SDC1: variants seen among roughly 807,000 people sequenced by gnomAD.
SDC1 encodes the protein syndecan-1.
Under a neutral mutation model 29.7 loss-of-function variants are expected in SDC1, and 14 were observed. The observed-to-expected ratio is 0.47, with a 90% CI of 0.31 to 0.74. The LOEUF (loss-of-function observed/expected upper bound fraction) is 0.74. Ranked by LOEUF, SDC1 falls within the 30% of genes least tolerant of loss-of-function variation. The pLI is 0.05. For synonymous variants in SDC1, 204 were observed against 175.5 expected (o/e 1.16, Z -1.29); for missense variants, 406 against 400.3 (o/e 1.01, Z -0.12).
intron 1 of SDC1, among the ~76,000 whole-genome samples, chr2:20,221,173 A>AT (rs1558438979): frequency 1.3e-5 from 2 of 152,188 alleles, no homozygotes; most frequent in Admixed American, 6.5e-5. Context: ...CAAAATCCAC[A>AT]TATCACAGAT....
Position 20,202,767 on chromosome 2 carries a change from C to T in SDC1, c.932G>A (p.Ter311=). 6.2e-7 allele frequency: 1 copy of T among 1,600,108 alleles called. No individual in the cohort carries two copies. Among genetic ancestry groups the T allele is most frequent in the South Asian group, 1.1e-5 (1 of 88,902 alleles). ...KPTKQEEFYA[*] is the part of the protein sequence containing the mutation. ...CGGAGGGGGCGCATGGCTCCCGCGTCAGGCATAGAATTCCTCCTGTTTGGT... is the reference window on the plus strand; with the variant it reads ...CGGAGGGGGCGCATGGCTCCCGCGTTAGGCATAGAATTCCTCCTGTTTGGT... The change falls in exon 5 of 5, where the codon TGA becomes TAA. Residue 311 remains the stop codon, a stop_retained_variant. Transcript: ENST00000254351.
rs1677114494 is a variant in SDC1, at chr2:20,203,437, A to C, written c.628-215T>G. 4.6e-5 allele frequency among the ~76,000 whole-genome samples: 7 copies of C among 152,254 alleles called. 1 individual carries two copies. Among genetic ancestry groups the C allele is most frequent in the Admixed American group, 2.6e-4 (4 of 15,294 alleles). On this transcript the variant is annotated intron_variant, in intron 3 of 4. Coordinates refer to ENST00000254351, the MANE Select transcript of SDC1 (RefSeq NM_002997.5). The stretch of plus-strand genomic sequence containing the variant: ...TGGACCATGGCATGGATATCACAAA[A>C]AGTGATACAAAGCACACATTTTTGT...
chr2:20,202,480 T>C lies in SDC1; in HGVS notation c.*286A>G. 1.7e-6 allele frequency: 1 copy of C among 592,588 alleles called. No individual in the cohort carries two copies. Among genetic ancestry groups the C allele is most frequent in the South Asian group, 2.1e-5 (1 of 48,632 alleles). The allele number at this position is 592,588 out of a possible 1,614,324, so 36.7% of individuals were successfully genotyped here. A position where few individuals can be genotyped will look rare whatever the true frequency, so the allele number is the denominator to read the frequency against. ...GAGCTGGACCTGGGGAGAGGCTGCTTCAGTTTGGAGAAACCGAGTCAGAAT... is the reference window on the plus strand; with the variant it reads ...GAGCTGGACCTGGGGAGAGGCTGCTCCAGTTTGGAGAAACCGAGTCAGAAT... On this transcript the variant is annotated 3_prime_UTR_variant, in exon 5 of 5. Coordinates refer to ENST00000254351, the MANE Select transcript of SDC1 (RefSeq NM_002997.5).
In SDC1 at chr2:20,205,361, A is replaced by C. The variant is rs1169145591; in HGVS notation, c.130T>G (p.Phe44Val). 1 of 1,613,858 alleles carries C rather than the reference A, an allele frequency of 6.2e-7. No individual in the cohort carries two copies. Among genetic ancestry groups the C allele is most frequent in the Non-Finnish European group, 8.5e-7 (1 of 1,179,944 alleles). ...QDGSGDDSDN[F>V]SGSGAGALQD... ...ACCTCACCTGCACCTGAGCCGGAGA[A>C]GTTGTCAGAGTCATCCCCAGAGCCA... Residue 44 changes from phenylalanine to valine, a missense_variant, in exon 2 of 5, where the codon TTC becomes GTC. Coordinates refer to ENST00000254351, the MANE Select transcript of SDC1 (RefSeq NM_002997.5).
At chr2:20,212,400 C>A (rs1318252789) in intron 1 of SDC1, among the ~76,000 whole-genome samples, 2 of 152,008 alleles carry the variant, frequency 1.3e-5, no homozygotes, top group African/African-American at 4.8e-5. Flanking sequence ...AGACACTGGG[C>A]TCCCCCAGCC....
intron 1 of SDC1, among the ~76,000 whole-genome samples, chr2:20,213,746 G>A (rs1414272513): frequency 6.6e-6 from 1 of 152,222 alleles, no homozygotes; most frequent in Non-Finnish European, 1.5e-5. Context: ...ACCGGACCTG[G>A]GGACCGGGGC....
intron 1 of SDC1, 145 bp from the exon 2 acceptor site, chr2:20,205,569 A>G: frequency 1.5e-6 from 1 of 651,580 alleles, no homozygotes; most frequent in Non-Finnish European, 2.7e-6. Flanking sequence ...TGGCTCCAGG[A>G]CCCTCAGCTC....
rs189813614 is a variant in SDC1, at chr2:20,215,048, C to A, written c.67-9624G>T. 3.3e-5 allele frequency among the ~76,000 whole-genome samples: 5 copies of A among 152,344 alleles called. No individual in the cohort carries two copies. In the East Asian group the frequency reaches 9.6e-4, roughly 29 times the overall value. Reference sequence around the variant, plus strand: ...CAGCAGTCTTGCTCTGGCAGTCATGCCATGAACCACCCATCACAGTGAAGC... The same window carrying A: ...CAGCAGTCTTGCTCTGGCAGTCATGACATGAACCACCCATCACAGTGAAGC... On this transcript the variant is annotated intron_variant, in intron 1 of 4. Transcript: ENST00000254351.
chr2:20,212,937 A>G (rs577611296), intron 1 of SDC1, among the ~76,000 whole-genome samples: 14 of 152,290 alleles, frequency 9.2e-5, no homozygotes, highest in African/African-American at 2.9e-4. Flanking sequence ...CTTTCGGGTA[A>G]TATTTTCCAT....
intron 1 of SDC1, among the ~76,000 whole-genome samples, chr2:20,210,573 G>A (rs1208677792): frequency 6.6e-6 from 1 of 152,238 alleles, no homozygotes; most frequent in East Asian, 1.9e-4. Flanking sequence ...TCGTGGTGGA[G>A]CAGGAAAGGG....
rs1367845741 is a variant in SDC1 at position 20,203,978 on chromosome 2, G to T, written c.462C>A (p.His154Gln). Residue 154 changes from histidine (H) to glutamine (Q), a missense_variant, in exon 3 of 5, where the codon CAC (histidine) becomes CAA (glutamine). By Grantham distance (24) the His-to-Gln change is conservative. Coordinates refer to ENST00000254351, the MANE Select transcript of SDC1 (RefSeq NM_002997.5). ...TAQEPATSHP[H>Q]RDMQPGHHET... ...CATGGTGGCCAGGCTGCATGTCCCT[G>T]TGGGGGTGGGAGGTGGCGGGCTCCT... 1 of 1,614,014 alleles carries T rather than the reference G, an allele frequency of 6.2e-7. No individual in the cohort carries two copies. Among genetic ancestry groups the T allele is most frequent in the South Asian group, 1.1e-5 (1 of 91,068 alleles).
chr2:20,223,590 G>A (rs966373573), intron 1 of SDC1, among the ~76,000 whole-genome samples: 7 of 152,280 alleles, frequency 4.6e-5, no homozygotes, highest in African/African-American at 1.7e-4. Context: ...CGGGACGCCA[G>A]CACCGGGCGC....
chr2:20,200,838 T>C lies in SDC1; in HGVS notation c.*1928A>G, dbSNP rs1676977727. ...GTACCGTTTATTGTCGTTACACAAA[T>C]GAACCCAGCCTCTGGCTTGGGCACC... On this transcript the variant is annotated 3_prime_UTR_variant, in exon 5 of 5. Transcript: ENST00000254351. The C allele has an allele frequency of 6.6e-6, 1 of 152,240 alleles. No homozygotes were observed. The highest frequency in any genetic ancestry group is 1.5e-5 in the Non-Finnish European group (1 of 68,068). The allele number at this position is 152,240 out of a possible 1,614,324, so 9.4% of individuals were successfully genotyped here.
chr2:20,213,292 G>A (rs778843030), intron 1 of SDC1, among the ~76,000 whole-genome samples: 9 of 152,192 alleles, frequency 5.9e-5, no homozygotes, highest in Admixed American at 1.3e-4. Flanking sequence ...GGCAAAACCC[G>A]GGCCAGGCCA....
chr2:20,206,868 C>T (rs1202880082), intron 1 of SDC1, among the ~76,000 whole-genome samples: 1 of 152,232 alleles, frequency 6.6e-6, no homozygotes, highest in East Asian at 1.9e-4. Context: ...AAACAGTGGC[C>T]ACTGTCTAAC....
Position 20,205,403 on chromosome 2 carries a change from G to A in SDC1, c.88C>T (p.Pro30Ser), listed in dbSNP as rs751312418. 6.2e-7 allele frequency: 1 copy of A among 1,613,900 alleles called. No homozygotes were observed. Among genetic ancestry groups the A allele is most frequent in the Admixed American group, 1.7e-5 (1 of 60,014 alleles). The change falls in exon 2 of 5, where the codon CCC becomes TCC. Residue 30 changes from proline to serine, a missense_variant. By Grantham distance (74) the Pro-to-Ser change is moderately conservative. Transcript: ENST00000254351. ...CCAGAGCCATCTTGATCTTCAGGGG[G>A]CAAATTAGTAGCCACAATTTGCTGG... ...ALPQIVATNL[P>S]PEDQDGSGDD...
intron 1 of SDC1, among the ~76,000 whole-genome samples, chr2:20,223,708 G>A (rs1290573491): frequency 7.2e-5 from 11 of 152,358 alleles, no homozygotes; most frequent in Non-Finnish European, 1.6e-4. Context: ...GCGTTACGGG[G>A]CTGTTCCCAG....
chr2:20,208,856 A>G (rs1305017501), intron 1 of SDC1, among the ~76,000 whole-genome samples: 2 of 152,226 alleles, frequency 1.3e-5, no homozygotes, highest in Non-Finnish European at 2.9e-5. Flanking sequence ...CCAACTGTTC[A>G]TAGAACGAAT....
At chr2:20,212,576 G>A (rs1315458411) in intron 1 of SDC1, among the ~76,000 whole-genome samples, 1 of 152,236 alleles carries the variant, frequency 6.6e-6, no homozygotes, top group Non-Finnish European at 1.5e-5. Context: ...CCAGGAGGAG[G>A]GGCCTCACTG....
Sources: gnomAD v4.1 joint callset for allele counts (sites outside exome capture counted in the v4.1 genomes callset) on GRCh38, gnomAD v4.1.1 for gene constraint, MANE v1.5 for transcripts, NCBI Gene and HGNC (gene_info 2026-07-23, HGNC 2026-07-21) for gene names.